USP42: variants seen among roughly 807,000 people sequenced by gnomAD.
USP42 encodes the protein ubiquitin specific peptidase 42.
USP42 carries 23 observed loss-of-function variants against 113.0 expected under a neutral mutation model. The ratio of observed to expected loss-of-function variants is 0.20; its 90% CI spans 0.15 to 0.29. The LOEUF (loss-of-function observed/expected upper bound fraction) is 0.29. USP42 is among the 10% of genes least tolerant of loss of function. The probability of loss-of-function intolerance (pLI) is 1.00; values close to 1 mark genes in which losing one functional copy is unlikely to be tolerated. For synonymous variants in USP42, 933 were observed against 699.0 expected (o/e 1.33, Z -5.28); for missense variants, 2,174 against 1,779.8 (o/e 1.22, Z -3.99).
intron 1 of USP42, among the ~76,000 whole-genome samples, chr7:6,107,368 T>G (rs770581933): frequency 6.6e-6 from 1 of 152,084 alleles, no homozygotes; most frequent in Non-Finnish European, 1.5e-5. Flanking sequence ...AACCTTTTCT[T>G]ATATTTCTTA....
At position 6,150,191 on chromosome 7, in the gene USP42, C is replaced by A; in HGVS notation, c.1995C>A (p.Ser665Arg). The A allele has an allele frequency of 6.2e-7, 1 of 1,613,908 alleles. No individual in the cohort carries two copies. Among genetic ancestry groups the A allele is most frequent in the Non-Finnish European group, 8.5e-7 (1 of 1,179,874 alleles). ...TAAACGGTGCTAATAGTGCAGACAG[C>A]GACAGTGACCCGAAAGAAAACGGCC... ...MTLNGANSAD[S>R]DSDPKENGLA... The change falls in exon 13 of 18, where the codon AGC (serine) becomes AGA (arginine). Residue 665 changes from serine (S) to arginine (R), a missense_variant. Coordinates refer to ENST00000306177, the MANE Select transcript of USP42 (RefSeq NM_032172.3).
chr7:6,144,607 C>G (rs1314559453), intron 9 of USP42, among the ~76,000 whole-genome samples: 1 of 152,146 alleles, frequency 6.6e-6, no homozygotes, highest in African/African-American at 2.4e-5. Flanking sequence ...TGGTGGCTCA[C>G]GCCCGTAATC....
intron 11 of USP42, among the ~76,000 whole-genome samples, chr7:6,147,422 C>T (rs930861197): frequency 2.0e-5 from 3 of 151,974 alleles, no homozygotes; most frequent in South Asian, 2.1e-4. Context: ...CCAGCCTGGG[C>T]GACGCAGCAA....
At chr7:6,122,538 C>T (rs755821768) in intron 3 of USP42, among the ~76,000 whole-genome samples, 3 of 151,552 alleles carry the variant, frequency 2.0e-5, no homozygotes, top group East Asian at 1.9e-4. Flanking sequence ...AGTGTGATCT[C>T]GGCTCAACTG....
At chr7:6,135,009 C>G (rs1781054099) in intron 3 of USP42, among the ~76,000 whole-genome samples, 1 of 152,130 alleles carries the variant, frequency 6.6e-6, no homozygotes, top group Non-Finnish European at 1.5e-5. Context: ...AGGCTAGTCT[C>G]AAACTCTTGG....
chr7:6,161,341 G>GTGAT lies in USP42; in HGVS notation c.*824_*827dup, dbSNP rs1475898686. On this transcript the variant is annotated 3_prime_UTR_variant, in exon 18 of 18. Coordinates refer to ENST00000306177, the MANE Select transcript of USP42 (RefSeq NM_032172.3). ...TTTAATATGGATATGCTATCAAACT[G>GTGAT]TGATACACTTATAATTCACTGGTCC... 3 of 152,580 alleles carry GTGAT rather than the reference G, an allele frequency of 2.0e-5. No homozygotes were observed. Among genetic ancestry groups the GTGAT allele is most frequent in the Non-Finnish European group, 4.4e-5 (3 of 68,036 alleles). 9.5% of individuals were successfully genotyped at this position (152,580 alleles called of 1,614,324 possible).
chr7:6,128,446 G>A (rs1421825668), intron 3 of USP42, among the ~76,000 whole-genome samples: 1 of 152,002 alleles, frequency 6.6e-6, no homozygotes, highest in Non-Finnish European at 1.5e-5. Context: ...TCCCTGCTTT[G>A]TTTTGATTAA....
chr7:6,120,684 A>G (rs1340762493), intron 3 of USP42, among the ~76,000 whole-genome samples: 1 of 152,120 alleles, frequency 6.6e-6, no homozygotes, highest in African/African-American at 2.4e-5. Flanking sequence ...TCTGGGTTCA[A>G]GCAATTCTTC....
intron 4 of USP42, among the ~76,000 whole-genome samples, chr7:6,138,798 T>C (rs902369933): frequency 6.6e-6 from 1 of 152,184 alleles, no homozygotes; most frequent in Admixed American, 6.5e-5. Flanking sequence ...TAGGAGAATC[T>C]CATGCCTGAT....
the USP42 span, among the ~76,000 whole-genome samples, chr7:6,097,684 G>A: frequency 6.1e-5 from 9 of 148,476 alleles, no homozygotes; most frequent in Admixed American, 2.7e-4. Context: ...TCCGCCTTCC[G>A]GGATCATGCC....
At chr7:6,137,330 T>C (rs1005702956) in intron 4 of USP42, among the ~76,000 whole-genome samples, 2 of 152,242 alleles carry the variant, frequency 1.3e-5, no homozygotes, top group Non-Finnish European at 2.9e-5. Flanking sequence ...CCAGGCAGGT[T>C]TGGATTGTTT....
rs1251037372 is a variant in USP42, at chr7:6,154,571, T to C, written c.3017T>C (p.Leu1006Pro). 6.4e-7 allele frequency: 1 copy of C among 1,558,644 alleles called. No homozygotes were observed. Among genetic ancestry groups the C allele is most frequent in the African/African-American group, 1.4e-5 (1 of 73,280 alleles). Reference protein sequence around the residue: ...PEHHPGHGDRLSPGERRSLGR... With the variant: ...PEHHPGHGDRPSPGERRSLGR... ...CACCACCCCGGCCACGGCGACAGGC[T>C]CAGCCCTGGCGAGCGCCGCTCTCTG... Residue 1006 changes from leucine to proline, a missense_variant, in exon 15 of 18, where the codon CTC (leucine) becomes CCC (proline). Physicochemically the swap from Leu to Pro is moderately conservative, Grantham distance 98 (BLOSUM62 -3). Coordinates refer to ENST00000306177, the MANE Select transcript of USP42 (RefSeq NM_032172.3).
At position 6,150,191 on chromosome 7, in the gene USP42, C is replaced by T. The variant is rs780449792; in HGVS notation, c.1995C>T (p.Ser665=). Residue 665 remains serine, a synonymous_variant, in exon 13 of 18, where the codon AGC becomes AGT. Coordinates refer to ENST00000306177, the MANE Select transcript of USP42 (RefSeq NM_032172.3). ...TAAACGGTGCTAATAGTGCAGACAG[C>T]GACAGTGACCCGAAAGAAAACGGCC... ...MTLNGANSAD[S]DSDPKENGLA... The T allele has an allele frequency of 6.2e-6, 10 of 1,613,908 alleles. No homozygotes were observed. The Admixed American group carries it at 6.7e-5, about 11-fold the overall frequency.
rs1781341056 is a variant in USP42 at position 6,139,711 on chromosome 7, T to G, written c.657-417T>G. ...ACCTGGTAGATCTCCCTCTGCATTC[T>G]CCCTGCCCTGGCACCGCCCTGTCTA... On this transcript the variant is annotated intron_variant, in intron 5 of 17. Transcript: ENST00000306177. This position sits in a 1 kb window ranked among gnomAD's most constrained non-coding sequence, Gnocchi z 4.5. 2 of 253,608 alleles carry G rather than the reference T, an allele frequency of 7.9e-6. No homozygotes were observed. The highest frequency in any genetic ancestry group is 9.9e-5 in the South Asian group (2 of 20,228). The allele number at this position is 253,608 out of a possible 1,614,324, so 15.7% of individuals were successfully genotyped here.
chr7:6,161,381 G>A lies in USP42; in HGVS notation c.*863G>A, dbSNP rs1022159552. The A allele has an allele frequency of 2.0e-5, 3 of 152,546 alleles. No individual in the cohort carries two copies. Among genetic ancestry groups the A allele is most frequent in the Non-Finnish European group, 2.9e-5 (2 of 68,026 alleles). 9.4% of individuals were successfully genotyped at this position (152,546 alleles called of 1,614,324 possible). On this transcript the variant is annotated 3_prime_UTR_variant, in exon 18 of 18. Transcript: ENST00000306177. ...TTCACTGGTCCTGCATCAGGAGATGGAGTGGGGAAAACTGTATTTAATACA... is the reference window on the plus strand; with the variant it reads ...TTCACTGGTCCTGCATCAGGAGATGAAGTGGGGAAAACTGTATTTAATACA...
chr7:6,150,956 T>G (rs150574619), intron 14 of USP42, among the ~76,000 whole-genome samples: 2,008 of 152,326 alleles, frequency 0.013, 26 homozygotes, highest in Middle Eastern at 0.061. Flanking sequence ...GTGGTTGTCA[T>G]GCCAGCACCA....
chr7:6,146,189 A>G lies in USP42; in HGVS notation c.1173A>G (p.Val391=), dbSNP rs181196727. ...GGTATCAAATGAATGACTCCATTGT[A>G]TCTACCAGTGATATTAGATCGGTAC... The part of the protein sequence containing the change: ...GLWYQMNDSI[V]STSDIRSVLS... Residue 391 remains valine (V), a synonymous_variant, in exon 11 of 18, where the codon GTA becomes GTG. Coordinates refer to ENST00000306177, the MANE Select transcript of USP42 (RefSeq NM_032172.3). 190 of 1,605,098 alleles carry G rather than the reference A, an allele frequency of 1.2e-4. 1 individual carries two copies. The East Asian group carries it at 2.7e-3, about 23-fold the overall frequency.
At position 6,115,307 on chromosome 7, in the gene USP42, T is replaced by G; in HGVS notation, c.242-16T>G. Reference sequence around the variant, plus strand: ...GCAAAGCTTGGTTTCTGACTCTTTCTTGTTTATTTTTCTAGCCCTAGGTGA... The same window carrying G: ...GCAAAGCTTGGTTTCTGACTCTTTCGTGTTTATTTTTCTAGCCCTAGGTGA... On this transcript the variant is annotated splice_polypyrimidine_tract_variant and intron_variant, in intron 2 of 17. Coordinates refer to ENST00000306177, the MANE Select transcript of USP42 (RefSeq NM_032172.3). 1.2e-6 allele frequency: 2 copies of G among 1,612,926 alleles called. No individual in the cohort carries two copies. The highest frequency in any genetic ancestry group is 1.7e-6 in the Non-Finnish European group (2 of 1,179,516).
At chr7:6,102,568 C>G (rs1195085044), upstream of USP42, among the ~76,000 whole-genome samples, 1 of 150,442 alleles carries the variant, frequency 6.6e-6, no homozygotes, top group Non-Finnish European at 1.5e-5. Flanking sequence ...CACAACCAAC[C>G]TGGGCAACAT....
Sources: gnomAD v4.1 joint callset for allele counts (sites outside exome capture counted in the v4.1 genomes callset) on GRCh38, gnomAD v4.1.1 for gene constraint, Gnocchi (gnomAD v3.1) non-coding constraint, MANE v1.5 for transcripts, NCBI Gene and HGNC (gene_info 2026-07-23, HGNC 2026-07-21) for gene names.